The following CAMK1D variants were observed in gnomAD, a reference collection of about 807,000 sequenced individuals.
The protein encoded by CAMK1D is calcium/calmodulin dependent protein kinase ID.
Under a neutral mutation model 47.7 loss-of-function variants are expected in CAMK1D, and 9 were observed. The ratio of observed to expected loss-of-function variants is 0.19; its 90% confidence interval spans 0.11 to 0.33. The LOEUF is 0.33. Among genes scored for constraint, CAMK1D ranks in the 10% least tolerant of loss-of-function variants. The pLI, the probability that CAMK1D is intolerant of heterozygous loss-of-function variation, is 1.00. For synonymous variants in CAMK1D, 184 were observed against 184.9 expected (o/e 0.99, Z 0.04); for missense variants, 291 against 488.7 (o/e 0.60, Z 3.81).
rs181227764 is a variant in CAMK1D, at chr10:12,654,778, C to T, written c.225-11958C>T. On this transcript the variant is annotated intron_variant, in intron 2 of 10. Transcript: ENST00000619168. The stretch of plus-strand genomic sequence containing the variant: ...AGCCTAGATAAATTTAAAATGGGCA[C>T]GGAAGCCACGAAGTTATCAGCTCTG... Among the ~76,000 whole-genome samples the T allele has an allele frequency of 2.7e-4, 41 of 152,186 alleles. No homozygotes were observed. In the East Asian group the frequency reaches 3.1e-3, roughly 11 times the overall value.
intron 1 of CAMK1D, among the ~76,000 whole-genome samples, chr10:12,488,982 C>A (rs530490310): frequency 1.9e-4 from 29 of 152,252 alleles, no homozygotes; most frequent in African/African-American, 5.8e-4. Context: ...GAGGCCCAGG[C>A]TAGAGTGCAG....
chr10:12,670,921 C>T (rs977635660), intron 3 of CAMK1D, among the ~76,000 whole-genome samples: 3 of 152,128 alleles, frequency 2.0e-5, no homozygotes, highest in Non-Finnish European at 4.4e-5. Context: ...ATTTTTGTCC[C>T]TCTAAAAGAA....
At chr10:12,685,135 TAC>T (rs1832604153) in intron 3 of CAMK1D, among the ~76,000 whole-genome samples, 1 of 152,178 alleles carries the variant, frequency 6.6e-6, no homozygotes, top group Non-Finnish European at 1.5e-5. Flanking sequence ...ACCCCGTCTG[TAC>T]TAAAAATACG....
chr10:12,811,263 C>T (rs1588956224), intron 6 of CAMK1D, among the ~76,000 whole-genome samples: 1 of 152,124 alleles, frequency 6.6e-6, no homozygotes. Context: ...CGTTAACAAC[C>T]CTGGGATTAC....
At chr10:12,525,305 T>C (rs1463026318) in intron 1 of CAMK1D, among the ~76,000 whole-genome samples, 1 of 152,184 alleles carries the variant, frequency 6.6e-6, no homozygotes, top group Non-Finnish European at 1.5e-5. Context: ...ATTCTTTCTT[T>C]CAATATTTTT....
intron 1 of CAMK1D, among the ~76,000 whole-genome samples, chr10:12,471,249 T>G (rs555263017): frequency 1.5e-4 from 23 of 152,338 alleles, no homozygotes; most frequent in African/African-American, 5.5e-4. Flanking sequence ...AGCCCTGCTC[T>G]GGATCAGCCC....
At chr10:12,720,109 T>C (rs1475779923) in intron 3 of CAMK1D, among the ~76,000 whole-genome samples, 1 of 152,226 alleles carries the variant, frequency 6.6e-6, no homozygotes. Context: ...AAGAACATGC[T>C]TCTAATACCC....
chr10:12,523,984 C>T (rs184113724), intron 1 of CAMK1D, among the ~76,000 whole-genome samples: 6 of 152,030 alleles, frequency 3.9e-5, no homozygotes, highest in Non-Finnish European at 5.9e-5. Flanking sequence ...CTCTGCTTCC[C>T]GGGTTCACAC....
intron 2 of CAMK1D, among the ~76,000 whole-genome samples, chr10:12,601,533 G>A (rs1838303293): frequency 6.6e-6 from 1 of 152,004 alleles, no homozygotes; most frequent in Non-Finnish European, 1.5e-5. Context: ...GCAAAATTTC[G>A]GCTCACTGCA....
At chr10:12,355,311 G>C (rs1012860155) in intron 1 of CAMK1D, among the ~76,000 whole-genome samples, 10 of 152,204 alleles carry the variant, frequency 6.6e-5, no homozygotes, top group African/African-American at 2.2e-4. Context: ...GTCAAGCACC[G>C]TCTTTTCCCA....
chr10:12,423,641 C>G (rs1407630778), intron 1 of CAMK1D, among the ~76,000 whole-genome samples: 2 of 152,208 alleles, frequency 1.3e-5, no homozygotes, highest in African/African-American at 4.8e-5. Flanking sequence ...CTCTGTTGGT[C>G]TGGAAGCGTC....
intron 5 of CAMK1D, among the ~76,000 whole-genome samples, chr10:12,787,316 G>C (rs1345664867): frequency 6.6e-6 from 1 of 152,090 alleles, no homozygotes; most frequent in Non-Finnish European, 1.5e-5. Context: ...TGGATTTCTA[G>C]AAAAAACCAT....
At chr10:12,735,759 G>C (rs1202451720) in intron 3 of CAMK1D, among the ~76,000 whole-genome samples, 2 of 150,430 alleles carry the variant, frequency 1.3e-5, no homozygotes, top group Non-Finnish European at 2.9e-5. Context: ...TCCCCGAAGA[G>C]TTATGGGGTG....
intron 1 of CAMK1D, among the ~76,000 whole-genome samples, chr10:12,435,351 G>C (rs76243506): frequency 0.021 from 3,236 of 152,028 alleles, 112 homozygotes; most frequent in Admixed American, 0.084. Context: ...CCTAACTCCA[G>C]GTTCTCTGCT....
chr10:12,809,633 A>C (rs1413667483), intron 6 of CAMK1D, among the ~76,000 whole-genome samples: 2 of 152,244 alleles, frequency 1.3e-5, no homozygotes, highest in Non-Finnish European at 2.9e-5. Context: ...CAAGCCAGGC[A>C]TAGAAAGACA....
Position 12,759,626 on chromosome 10 carries a change from T to G in CAMK1D, c.300-1322T>G, listed in dbSNP as rs539067339. Among the ~76,000 whole-genome samples, 4 of 152,304 alleles carry G rather than the reference T, an allele frequency of 2.6e-5. No individual in the cohort carries two copies. In the South Asian group the frequency reaches 8.3e-4, roughly 32 times the overall value. On this transcript the variant is annotated intron_variant, in intron 3 of 10. Transcript: ENST00000619168. ...TTCCGTTTCTTTTCACTCTTGGAAT[T>G]GCTTTTTTATTTCTCCTGAGCACCT...
At position 12,554,399 on chromosome 10, in the gene CAMK1D, C is replaced by T. The variant is rs1836694848; in HGVS notation, c.224+1043C>T. Among the ~76,000 whole-genome samples, 2 of 131,234 alleles carry T rather than the reference C, an allele frequency of 1.5e-5. 1 individual carries two copies. The highest frequency in any genetic ancestry group is 1.5e-4 in the Admixed American group (2 of 13,292). The allele number at this position is 131,234 out of a possible 152,430, so 86.1% of individuals were successfully genotyped here. On this transcript the variant is annotated intron_variant, in intron 2 of 10. Coordinates refer to ENST00000619168, the MANE Select transcript of CAMK1D (RefSeq NM_153498.4). ...TGAACTCCTGACCTCAGGTGATCCG[C>T]CCGCCTTGGCCTCCCAAAGTGCTGA...
chr10:12,505,789 G>A (rs1362704330), intron 1 of CAMK1D, among the ~76,000 whole-genome samples: 4 of 152,128 alleles, frequency 2.6e-5, no homozygotes, highest in Admixed American at 6.5e-5. Flanking sequence ...ATGCTCTAGC[G>A]TGTACCAGAT....
At chr10:12,412,850 G>A (rs1284862818) in intron 1 of CAMK1D, among the ~76,000 whole-genome samples, 1 of 152,068 alleles carries the variant, frequency 6.6e-6, no homozygotes, top group Non-Finnish European at 1.5e-5. Context: ...ATGAATCACT[G>A]GAGCATCTGT....
Sources: gnomAD v4.1 joint callset for allele counts (sites outside exome capture counted in the v4.1 genomes callset) on GRCh38, gnomAD v4.1.1 for gene constraint, MANE v1.5 for transcripts, NCBI Gene and HGNC (gene_info 2026-07-23, HGNC 2026-07-21) for gene names.